OR2T6: variants seen among roughly 807,000 people sequenced by gnomAD.
OR2T6 encodes the protein olfactory receptor family 2 subfamily T member 6.
For synonymous variants in OR2T6, 174 were observed against 148.0 expected (o/e 1.18, Z -1.27); for missense variants, 424 against 391.6 (o/e 1.08, Z -0.70).
At position 248,382,533 on chromosome 1, in the gene OR2T6, TTTC is replaced by T. The variant is rs1157394259; in HGVS notation, c.-158-2175_-158-2173del. ...AATACTCCATGTCTACCTTTCTTTC[TTTC>T]TTTTTTTTTTTTTTTAGATGGAGAC... On this transcript the variant is annotated intron_variant, in intron 1 of 2. Transcript: ENST00000641644. Among the ~76,000 whole-genome samples the T allele has an allele frequency of 1.2e-3, 55 of 46,086 alleles. 12 individuals carry two copies. Among genetic ancestry groups the T allele is most frequent in the African/African-American group, 5.4e-3 (20 of 3,678 alleles). 30.2% of individuals were successfully genotyped at this position (46,086 alleles called of 152,430 possible).
chr1:248,387,774 C>A lies in OR2T6; in HGVS notation c.166C>A (p.His56Asn). Residue 56 changes from histidine (H) to asparagine (N), a missense_variant, in exon 3 of 3, where the codon CAC becomes AAC. Coordinates refer to ENST00000641644, the MANE Select transcript of OR2T6 (RefSeq NM_001005471.2). ...IFLINIDPHL[H>N]TPMYFLLSHL... is the part of the protein sequence containing the mutation. The stretch of plus-strand genomic sequence containing the variant: ...CCTGATTAACATAGACCCTCATCTC[C>A]ACACCCCCATGTACTTCCTCCTCAG... The A allele has an allele frequency of 1.9e-6, 3 of 1,613,282 alleles. No homozygotes were observed. Among genetic ancestry groups the A allele is most frequent in the Non-Finnish European group, 2.5e-6 (3 of 1,179,316 alleles).
chr1:248,389,214 G>GA lies in OR2T6; in HGVS notation c.*681dup, dbSNP rs1420443377. 6.6e-6 allele frequency: 1 copy of GA among 152,124 alleles called. No individual in the cohort carries two copies. The highest frequency in any genetic ancestry group is 1.5e-5 in the Non-Finnish European group (1 of 68,040). 9.4% of individuals were successfully genotyped at this position (152,124 alleles called of 1,614,324 possible). ...AATATGGTAACTAACTGTTACATTG[G>GA]AAGACACAGCAAAAGGTAGTTGAGA... is the stretch of plus-strand genomic sequence containing the variant. On this transcript the variant is annotated 3_prime_UTR_variant, in exon 3 of 3. Transcript: ENST00000641644.
chr1:248,382,328 C>T (rs1661048349), intron 1 of OR2T6, among the ~76,000 whole-genome samples: 1 of 152,122 alleles, frequency 6.6e-6, no homozygotes, highest in Non-Finnish European at 1.5e-5. Flanking sequence ...GATGCTTTTA[C>T]TTCAAATAAC....
At chr1:248,377,559 G>A (rs951044204) in intron 1 of OR2T6, among the ~76,000 whole-genome samples, 1 of 152,236 alleles carries the variant, frequency 6.6e-6, no homozygotes, top group Admixed American at 6.5e-5. Context: ...GGTGTCATGA[G>A]GGCAAGGGCA....
intron 1 of OR2T6, among the ~76,000 whole-genome samples, chr1:248,381,313 C>G (rs1185398720): frequency 6.6e-6 from 1 of 151,246 alleles, no homozygotes; most frequent in Non-Finnish European, 1.5e-5. Context: ...TTTTTTCTGG[C>G]TCATTTACTT....
Position 248,388,871 on chromosome 1 carries a change from C to A in OR2T6, c.*336C>A. 3.5e-6 allele frequency: 1 copy of A among 284,024 alleles called. No individual in the cohort carries two copies. The highest frequency in any genetic ancestry group is 6.5e-6 in the Non-Finnish European group (1 of 152,808). 17.6% of individuals were successfully genotyped at this position (284,024 alleles called of 1,614,324 possible). A position where few individuals can be genotyped will look rare whatever the true frequency, so the allele number is the denominator to read the frequency against. On this transcript the variant is annotated 3_prime_UTR_variant, in exon 3 of 3. Transcript: ENST00000641644. ...TTGAGTTAATATTACATATTCTGCC[C>A]ATTTTCAATGGCTCCATAAGAACTG...
Position 248,388,651 on chromosome 1 carries a change from A to C in OR2T6, c.*116A>C. 1.3e-6 allele frequency: 1 copy of C among 744,796 alleles called. No individual in the cohort carries two copies. Among genetic ancestry groups the C allele is most frequent in the Non-Finnish European group, 2.1e-6 (1 of 471,974 alleles). 46.1% of individuals were successfully genotyped at this position (744,796 alleles called of 1,614,324 possible). On this transcript the variant is annotated 3_prime_UTR_variant, in exon 3 of 3. Coordinates refer to ENST00000641644, the MANE Select transcript of OR2T6 (RefSeq NM_001005471.2). ...CGGATGATGCTGACAGGAACTTTCA[A>C]TACCAGCTGTGCTAAATGGTGTATC... is the stretch of plus-strand genomic sequence containing the variant.
At chr1:248,380,546 ATCTT>A (rs1661013063) in intron 1 of OR2T6, among the ~76,000 whole-genome samples, 1 of 151,898 alleles carries the variant, frequency 6.6e-6, no homozygotes, top group Non-Finnish European at 1.5e-5. Flanking sequence ...ATTGGGTTGA[ATCTT>A]TATTAACATC....
chr1:248,387,894 G>C lies in OR2T6; in HGVS notation c.286G>C (p.Ala96Pro). Residue 96 changes from alanine (A) to proline (P), a missense_variant, in exon 3 of 3, where the codon GCC (alanine) becomes CCC (proline). Ala to Pro is a conservative substitution (Grantham distance 27). Transcript: ENST00000641644. ...LMGEGTISFIACTAQCFLYMG... is the reference protein window; with the variant it reads ...LMGEGTISFIPCTAQCFLYMG... ...GGGCGAGGGGACCATCTCTTTCATC[G>C]CCTGCACTGCTCAGTGCTTTCTCTA... is the stretch of plus-strand genomic sequence containing the variant. 6.3e-7 allele frequency: 1 copy of C among 1,598,934 alleles called. No individual in the cohort carries two copies. Among genetic ancestry groups the C allele is most frequent in the Non-Finnish European group, 8.5e-7 (1 of 1,171,252 alleles).
At chr1:248,379,471 A>G (rs1660996758) in intron 1 of OR2T6, among the ~76,000 whole-genome samples, 1 of 152,174 alleles carries the variant, frequency 6.6e-6, no homozygotes, top group South Asian at 2.1e-4. Context: ...GGACATACAA[A>G]CCACAATCAA....
Position 248,388,169 on chromosome 1 carries a change from G to C in OR2T6, c.561G>C (p.Leu187=). The change falls in exon 3 of 3, where the codon CTG becomes CTC. Residue 187 remains leucine, a synonymous_variant. Coordinates refer to ENST00000641644, the MANE Select transcript of OR2T6 (RefSeq NM_001005471.2). The stretch of plus-strand genomic sequence containing the variant: ...GTGAGGCACCCACCATGCTGAGGCT[G>C]GCCTGTGGGGACAAAACCACCTATG... ...FFCEAPTMLR[L]ACGDKTTYET... is the part of the protein sequence containing the mutation. 1.2e-6 allele frequency: 2 copies of C among 1,613,844 alleles called. No homozygotes were observed. Among genetic ancestry groups the C allele is most frequent in the Non-Finnish European group, 1.7e-6 (2 of 1,179,998 alleles).
Position 248,389,489 on chromosome 1 carries a change from C to A in OR2T6, c.*954C>A, listed in dbSNP as rs910016537. 1 of 152,136 alleles carries A rather than the reference C, an allele frequency of 6.6e-6. No individual in the cohort carries two copies. The highest frequency in any genetic ancestry group is 2.4e-5 in the African/African-American group (1 of 41,414). 9.4% of individuals were successfully genotyped at this position (152,136 alleles called of 1,614,324 possible). On this transcript the variant is annotated 3_prime_UTR_variant, in exon 3 of 3. Coordinates refer to ENST00000641644, the MANE Select transcript of OR2T6 (RefSeq NM_001005471.2). ...CCAGCTTTTCATGTGAAAATTAGAACTGGAAACCCTTGTAAATGACTTAGT... is the reference window on the plus strand; with the variant it reads ...CCAGCTTTTCATGTGAAAATTAGAAATGGAAACCCTTGTAAATGACTTAGT...
intron 1 of OR2T6, among the ~76,000 whole-genome samples, chr1:248,377,723 A>G (rs71642441): frequency 1.3e-5 from 2 of 152,314 alleles, no homozygotes; most frequent in Non-Finnish European, 1.5e-5. Flanking sequence ...AATCAGATTC[A>G]CGGATGCTCT....
At chr1:248,387,549 C>A in intron 2 of OR2T6, 56 bp from the exon 3 acceptor site, 1 of 1,065,080 alleles carries the variant, frequency 9.4e-7, no homozygotes, top group South Asian at 2.0e-5. Flanking sequence ...AGTGATTTAT[C>A]TTTTGTCATT....
intron 1 of OR2T6, among the ~76,000 whole-genome samples, chr1:248,380,770 T>A (rs976539199): frequency 7.1e-6 from 1 of 139,938 alleles, no homozygotes; most frequent in Non-Finnish European, 1.6e-5. Context: ...ATTTTAGAAT[T>A]CTAATATATT....
At position 248,389,393 on chromosome 1, in the gene OR2T6, G is replaced by A. The variant is rs1350447165; in HGVS notation, c.*858G>A. The A allele has an allele frequency of 2.0e-5, 3 of 152,200 alleles. No individual in the cohort carries two copies. The highest frequency in any genetic ancestry group is 7.2e-5 in the African/African-American group (3 of 41,444). The allele number at this position is 152,200 out of a possible 1,614,324, so 9.4% of individuals were successfully genotyped here. A position where few individuals can be genotyped will look rare whatever the true frequency, so the allele number is the denominator to read the frequency against. On this transcript the variant is annotated 3_prime_UTR_variant, in exon 3 of 3. Coordinates refer to ENST00000641644, the MANE Select transcript of OR2T6 (RefSeq NM_001005471.2). The stretch of plus-strand genomic sequence containing the variant: ...TTCTCTTTTAAAAAAGTAGTAGACA[G>A]CGTCATATTTTTCCTTCTCTATAGC...
chr1:248,387,455 G>A (rs770252087), intron 2 of OR2T6, 150 bp from the exon 3 acceptor site: 28 of 450,738 alleles, frequency 6.2e-5, no homozygotes, highest in Non-Finnish European at 3.5e-5. Flanking sequence ...GAAAAAGGAA[G>A]CTACAAATCT....
chr1:248,376,913 C>T (rs1031290603), intron 1 of OR2T6, among the ~76,000 whole-genome samples: 2 of 152,144 alleles, frequency 1.3e-5, no homozygotes, highest in Non-Finnish European at 2.9e-5. Context: ...TTATTTAAAA[C>T]AAACATCACT....
At chr1:248,381,857 T>TC (rs35817119) in intron 1 of OR2T6, among the ~76,000 whole-genome samples, 115,525 of 151,866 alleles carry the variant, frequency 0.76, 44,722 homozygotes, top group African/African-American at 0.91. Flanking sequence ...TTACTGTTTA[T>TC]CCCCCCTAAT....
Sources: allele counts gnomAD v4.1 joint callset (sites outside exome capture counted in the v4.1 genomes callset), GRCh38; gene constraint gnomAD v4.1.1; transcripts MANE v1.5; gene names NCBI Gene and HGNC (gene_info 2026-07-23, HGNC 2026-07-21).